The following ARL15 variants were observed in gnomAD, a reference collection of about 807,000 sequenced individuals.
ARL15 encodes the protein ARF like GTPase 15, also known as ADP-ribosylation factor-like protein 15.
ARL15 carries 19 observed loss-of-function variants against 25.2 expected under a neutral mutation model. The ratio of observed to expected loss-of-function variants is 0.75; its 90% confidence interval spans 0.53 to 1.10. ARL15 has a LOEUF of 1.10. ARL15 is among the 50% of genes least tolerant of loss of function. The probability of loss-of-function intolerance (pLI) is 0.00; values close to 1 mark genes in which losing one functional copy is unlikely to be tolerated. For missense variants in ARL15, 220 were observed against 246.0 expected (o/e 0.89, Z 0.71); for synonymous variants, 94 against 86.8 (o/e 1.08, Z -0.46).
rs774608441 is a variant in ARL15 at position 54,125,075 on chromosome 5, G to GTTTTTTTTTT, written c.254-11666_254-11665insAAAAAAAAAA. On this transcript the variant is annotated intron_variant, in intron 3 of 4. Transcript: ENST00000504924. ...TTCTGGTAAGCAAGTTTTTTGTTTT[G>GTTTTTTTTTT]TTTTGTTTTGTTTTTTTTTTTTTTG... Among the ~76,000 whole-genome samples, 6 of 134,968 alleles carry GTTTTTTTTTT rather than the reference G, an allele frequency of 4.4e-5. 2 individuals carry two copies. The highest frequency in any genetic ancestry group is 1.2e-4 in the African/African-American group (4 of 34,218). 88.5% of individuals were successfully genotyped at this position (134,968 alleles called of 152,430 possible). A position where few individuals can be genotyped will look rare whatever the true frequency, so the allele number is the denominator to read the frequency against.
intron 2 of ARL15, among the ~76,000 whole-genome samples, chr5:54,164,585 TA>T (rs1754512383): frequency 6.6e-6 from 1 of 152,128 alleles, no homozygotes; most frequent in Admixed American, 6.6e-5. Flanking sequence ...GTCTCCTGAA[TA>T]AATGATCCCT....
chr5:54,041,264 T>C (rs1276166729), intron 4 of ARL15, among the ~76,000 whole-genome samples: 1 of 152,188 alleles, frequency 6.6e-6, no homozygotes, highest in Admixed American at 6.5e-5. Context: ...GGTCAAAGAA[T>C]GCAAAATCCT....
intron 1 of ARL15, among the ~76,000 whole-genome samples, chr5:54,208,416 GCACACACA>G (rs201642389): frequency 6.6e-6 from 1 of 150,622 alleles, no homozygotes; most frequent in African/African-American, 2.4e-5. Context: ...ACACACACAC[GCACACACA>G]CACATATTCA....
At chr5:54,107,699 T>A (rs1360351209) in intron 4 of ARL15, among the ~76,000 whole-genome samples, 1 of 152,160 alleles carries the variant, frequency 6.6e-6, no homozygotes, top group African/African-American at 2.4e-5. Flanking sequence ...AATGAAGATA[T>A]GTATGTGACT....
chr5:54,034,764 T>A (rs1210636358), intron 4 of ARL15, among the ~76,000 whole-genome samples: 2 of 151,770 alleles, frequency 1.3e-5, no homozygotes, highest in African/African-American at 4.8e-5. Flanking sequence ...GCTCAAGCAA[T>A]CTTCGCACCT....
At chr5:54,235,635 C>A (rs1756782900) in intron 1 of ARL15, among the ~76,000 whole-genome samples, 1 of 152,050 alleles carries the variant, frequency 6.6e-6, no homozygotes, top group South Asian at 2.1e-4. Flanking sequence ...CCACACCCAG[C>A]TAATTTTTAT....
intron 1 of ARL15, among the ~76,000 whole-genome samples, chr5:54,229,211 T>C (rs985326897): frequency 1.3e-5 from 2 of 152,202 alleles, no homozygotes; most frequent in Admixed American, 1.3e-4. Context: ...GCTTGGACAG[T>C]AGCAAAAGCC....
chr5:54,102,901 A>G (rs1350596421), intron 4 of ARL15, among the ~76,000 whole-genome samples: 1 of 152,146 alleles, frequency 6.6e-6, no homozygotes, highest in East Asian at 1.9e-4. Context: ...CATATGTAGA[A>G]CCTTCTTCCC....
chr5:54,244,257 A>G (rs1376780347), intron 1 of ARL15, among the ~76,000 whole-genome samples: 1 of 152,244 alleles, frequency 6.6e-6, no homozygotes, highest in Non-Finnish European at 1.5e-5. Flanking sequence ...TTAGTAAATG[A>G]GTGTGTAAAA....
At chr5:54,104,928 G>T (rs1341486396) in intron 4 of ARL15, among the ~76,000 whole-genome samples, 1 of 151,938 alleles carries the variant, frequency 6.6e-6, no homozygotes, top group Non-Finnish European at 1.5e-5. Flanking sequence ...AACCATTTGT[G>T]CATTATGTCT....
At chr5:54,211,173 T>C (rs951524527) in intron 1 of ARL15, among the ~76,000 whole-genome samples, 2 of 152,180 alleles carry the variant, frequency 1.3e-5, no homozygotes, top group African/African-American at 2.4e-5. Flanking sequence ...TTGTTTGGTA[T>C]GCACAAAGTA....
chr5:54,157,663 G>A (rs544224474), intron 2 of ARL15, among the ~76,000 whole-genome samples: 6 of 152,150 alleles, frequency 3.9e-5, no homozygotes, highest in African/African-American at 9.6e-5. Context: ...TACCCGCCTC[G>A]GCCTCCCAAA....
At position 54,126,457 on chromosome 5, in the gene ARL15, A is replaced by AATC. The variant is rs565040104; in HGVS notation, c.254-13050_254-13048dup. Among the ~76,000 whole-genome samples the AATC allele has an allele frequency of 1.6e-3, 248 of 152,308 alleles. 2 individuals carry two copies. The highest frequency in any genetic ancestry group is 8.1e-3 in the Admixed American group (124 of 15,302). On this transcript the variant is annotated intron_variant, in intron 3 of 4. Coordinates refer to ENST00000504924, the MANE Select transcript of ARL15 (RefSeq NM_019087.3). ...CCCTTATCCTTTATTCCTAATTCTC[A>AATC]ATCAACTGCCCAACTTACCTCTCCT...
chr5:53,986,479 G>C (rs2111628781), intron 4 of ARL15, among the ~76,000 whole-genome samples: 1 of 152,240 alleles, frequency 6.6e-6, no homozygotes. Flanking sequence ...TTAAAATGTA[G>C]ACTGCCAGCC....
chr5:54,029,809 C>T (rs919922715), intron 4 of ARL15, among the ~76,000 whole-genome samples: 44 of 152,142 alleles, frequency 2.9e-4, no homozygotes, highest in African/African-American at 9.4e-4. Context: ...CTGACTAACA[C>T]GGTGAAACTC....
At chr5:54,136,005 T>C (rs183003915) in intron 3 of ARL15, among the ~76,000 whole-genome samples, 2 of 152,226 alleles carry the variant, frequency 1.3e-5, no homozygotes, top group Admixed American at 1.3e-4. Context: ...CACTGCCTTG[T>C]CTCATGTGGG....
chr5:54,103,899 GA>G (rs1285970312), intron 4 of ARL15, among the ~76,000 whole-genome samples: 2 of 152,192 alleles, frequency 1.3e-5, no homozygotes, highest in Admixed American at 1.3e-4. Context: ...GTCACTGCCA[GA>G]AATGGACCAG....
intron 4 of ARL15, among the ~76,000 whole-genome samples, chr5:53,967,954 G>T (rs1015571846): frequency 2.6e-5 from 4 of 152,156 alleles, no homozygotes; most frequent in South Asian, 2.1e-4. Context: ...AGCAGTTATT[G>T]TTCAGTGATT....
chr5:54,075,918 G>C (rs1023950776), intron 4 of ARL15, among the ~76,000 whole-genome samples: 6 of 152,148 alleles, frequency 3.9e-5, no homozygotes, highest in Non-Finnish European at 4.4e-5. Flanking sequence ...TCTAGAATTA[G>C]AAAGACCTGG....
Sources: gnomAD v4.1 joint callset for allele counts (sites outside exome capture counted in the v4.1 genomes callset) on GRCh38, gnomAD v4.1.1 for gene constraint, MANE v1.5 for transcripts, NCBI Gene and HGNC (gene_info 2026-07-23, HGNC 2026-07-21) for gene names.